CLEC16A: variants seen among roughly 807,000 people sequenced by gnomAD.
CLEC16A encodes C-type lectin domain containing 16A, also known as protein CLEC16A.
In CLEC16A, 51 loss-of-function variants were observed where a neutral mutation model predicts 109.5. That is an observed-to-expected ratio of 0.47 (90% CI 0.37 to 0.59). CLEC16A has a LOEUF of 0.59. CLEC16A is among the 20% of genes least tolerant of loss of function. CLEC16A has a pLI of 0.00. For synonymous variants in CLEC16A, 673 were observed against 564.2 expected (o/e 1.19, Z -2.73); for missense variants, 1,339 against 1,394.0 (o/e 0.96, Z 0.63).
At chr16:11,173,921 C>G (rs550165965) in intron 23 of CLEC16A, among the ~76,000 whole-genome samples, 1 of 152,274 alleles carries the variant, frequency 6.6e-6, no homozygotes, top group Non-Finnish European at 1.5e-5. Flanking sequence ...CAATTTGGTT[C>G]TCAGCGATCC....
In CLEC16A at chr16:11,026,968, G is replaced by A. The variant is rs572342093; in HGVS notation, c.1537+2047G>A. ...CTATGGTCAAGTAAACAGCGCGCGT[G>A]CTGTCTTTCCCATGTGGTGGGGTTG... On this transcript the variant is annotated intron_variant, in intron 13 of 23. Transcript: ENST00000409790. 106 of 1,484,686 alleles carry A rather than the reference G, an allele frequency of 7.1e-5. No individual in the cohort carries two copies. The South Asian group carries it at 1.0e-3, about 14-fold the overall frequency. The allele number at this position is 1,484,686 out of a possible 1,614,324, so 92.0% of individuals were successfully genotyped here.
intron 20 of CLEC16A, among the ~76,000 whole-genome samples, chr16:11,123,470 C>G (rs570069678): frequency 6.6e-6 from 1 of 152,130 alleles, no homozygotes; most frequent in African/African-American, 2.4e-5. Flanking sequence ...TGAGCTGACC[C>G]CAGTCCTCAT....
intron 10 of CLEC16A, among the ~76,000 whole-genome samples, chr16:10,999,871 G>T (rs1275937244): frequency 6.6e-6 from 1 of 152,148 alleles, no homozygotes; most frequent in Non-Finnish European, 1.5e-5. Context: ...GTCTCACTCT[G>T]TTGTGCCCAG....
At chr16:11,090,688 A>G (rs1041461198) in intron 19 of CLEC16A, among the ~76,000 whole-genome samples, 5 of 152,052 alleles carry the variant, frequency 3.3e-5, no homozygotes, top group African/African-American at 1.2e-4. Context: ...TCTGTTGTTC[A>G]GGCTGGAGTG....
intron 13 of CLEC16A, chr16:11,027,759 A>G (rs2046498113): frequency 6.3e-6 from 9 of 1,418,616 alleles, no homozygotes; most frequent in South Asian, 5.8e-5. Flanking sequence ...CCGCCAGCTG[A>G]ACTAGACCCA....
At chr16:11,110,651 A>C (rs1243541902) in intron 19 of CLEC16A, among the ~76,000 whole-genome samples, 1 of 152,128 alleles carries the variant, frequency 6.6e-6, no homozygotes, top group Non-Finnish European at 1.5e-5. Context: ...CTGGGAGAAC[A>C]CTAGGACCAC....
Position 11,178,583 on chromosome 16 carries a change from CGCAGCCTCA to C in CLEC16A, c.3056_3064del (p.Arg1019_Thr1022delinsPro). 6.2e-7 allele frequency: 1 copy of C among 1,610,404 alleles called. No individual in the cohort carries two copies. The highest frequency in any genetic ancestry group is 1.1e-5 in the South Asian group (1 of 91,008). ...CCCCCCAGTTGACCCCCACAGCCTCCGCAGCCTCACCGGCATGCCCCCGCTGTCCACGCC... is the reference window on the plus strand; with the variant it reads ...CCCCCCAGTTGACCCCCACAGCCTCCCCGGCATGCCCCCGCTGTCCACGCC... On this transcript the variant is annotated inframe_deletion, in exon 24 of 24. Coordinates refer to ENST00000409790, the MANE Select transcript of CLEC16A (RefSeq NM_015226.3). This position sits in a 1 kb window ranked among gnomAD's most constrained non-coding sequence, Gnocchi z 6.5.
Position 11,172,213 on chromosome 16 carries a change from C to T in CLEC16A, c.2806+5661C>T, listed in dbSNP as rs539630203. ...ATAGTCACACTCACATACACAGCCACATTCACATACATGCACACACTCATA... is the reference window on the plus strand; with the variant it reads ...ATAGTCACACTCACATACACAGCCATATTCACATACATGCACACACTCATA... On this transcript the variant is annotated intron_variant, in intron 23 of 23. Coordinates refer to ENST00000409790, the MANE Select transcript of CLEC16A (RefSeq NM_015226.3). 4.6e-5 allele frequency among the ~76,000 whole-genome samples: 7 copies of T among 152,336 alleles called. No individual in the cohort carries two copies. In the South Asian group the frequency reaches 1.5e-3, roughly 32 times the overall value.
rs192008310 is a variant in CLEC16A at position 11,027,732 on chromosome 16, C to G, written c.1537+2811C>G. 2,215 of 1,568,104 alleles carry G rather than the reference C, an allele frequency of 1.4e-3. 3 individuals are homozygous for G. The highest frequency in any genetic ancestry group is 1.8e-3 in the Non-Finnish European group (2,031 of 1,154,696). On this transcript the variant is annotated intron_variant, in intron 13 of 23. Coordinates refer to ENST00000409790, the MANE Select transcript of CLEC16A (RefSeq NM_015226.3). ...GGGCACACTTGGCTATCGGGGTGAA[C>G]GCATCAATCAGCTCATCCGCCAGCT...
chr16:11,023,117 C>T (rs1439740618), intron 12 of CLEC16A, among the ~76,000 whole-genome samples: 12 of 143,848 alleles, frequency 8.3e-5, no homozygotes, highest in African/African-American at 1.8e-4. Flanking sequence ...TTTTTTTTTC[C>T]GATGTGAACT....
chr16:11,076,185 T>C (rs2049363372), intron 19 of CLEC16A, among the ~76,000 whole-genome samples: 2 of 152,182 alleles, frequency 1.3e-5, no homozygotes, highest in Non-Finnish European at 2.9e-5. Flanking sequence ...TGGTCCTGGC[T>C]TCCCATTGTG....
Position 11,051,584 on chromosome 16 carries a change from G to A in CLEC16A, c.1938G>A (p.Leu646=). The change falls in exon 18 of 24, where the codon CTG becomes CTA. Residue 646 remains leucine (L), a synonymous_variant. Transcript: ENST00000409790. ...TGCTGCCCCCAACAGGCACGCCACT[G>A]ACGGGCATTGACTTCGTGAAGCGGC... ...SILLPPTGTP[L]TGIDFVKRLP... 3.7e-6 allele frequency: 6 copies of A among 1,614,062 alleles called. No homozygotes were observed. Among genetic ancestry groups the A allele is most frequent in the Non-Finnish European group, 5.1e-6 (6 of 1,179,900 alleles).
At chr16:11,126,221 C>CT (rs1319219890) in intron 22 of CLEC16A, 75 bp downstream of exon 22, 1 of 1,589,788 alleles carries the variant, frequency 6.3e-7, no homozygotes, top group Non-Finnish European at 8.6e-7. Flanking sequence ...TCTGTGGAGC[C>CT]TGTGTGAGCT....
chr16:11,130,212 G>A (rs77085782), intron 22 of CLEC16A, among the ~76,000 whole-genome samples: 107 of 152,292 alleles, frequency 7.0e-4, no homozygotes, highest in Non-Finnish European at 1.0e-3. Context: ...CTAGCTCTGT[G>A]CCCCCACTTA....
intron 23 of CLEC16A, among the ~76,000 whole-genome samples, chr16:11,176,782 A>T (rs114358264): frequency 0.014 from 2,139 of 152,272 alleles, 57 homozygotes; most frequent in African/African-American, 0.049. Flanking sequence ...TTTAGAGTTC[A>T]TCTTGCCCAG....
At chr16:10,981,803 C>T (rs150872523) in intron 9 of CLEC16A, among the ~76,000 whole-genome samples, 197 of 152,352 alleles carry the variant, frequency 1.3e-3, no homozygotes, top group African/African-American at 4.5e-3. Flanking sequence ...CTAACAGAGA[C>T]ATCTGTCAGG....
At chr16:10,948,050 C>A (rs1164854737) in intron 1 of CLEC16A, among the ~76,000 whole-genome samples, 1 of 152,036 alleles carries the variant, frequency 6.6e-6, no homozygotes, top group East Asian at 1.9e-4. Context: ...CCCGCCACCA[C>A]GCCCAGCTAA....
chr16:11,178,467 C>G lies in CLEC16A; in HGVS notation c.2939C>G (p.Ser980Cys), dbSNP rs764039952. The change falls in exon 24 of 24, where the codon TCC becomes TGC. Residue 980 changes from serine (S) to cysteine (C), a missense_variant. Physicochemically the swap from Ser to Cys is moderately radical, Grantham distance 112. Transcript: ENST00000409790. This position sits in a 1 kb window ranked among gnomAD's most constrained non-coding sequence, Gnocchi z 6.5. ...GCAGCCGTGGAGACAGCCAGCCTGT[C>G]CCCCAGCCTCGTCCCTGCCCGGCAG... is the stretch of plus-strand genomic sequence containing the variant. ...RSAAVETASL[S>C]PSLVPARQPT... 1.2e-6 allele frequency: 2 copies of G among 1,613,650 alleles called. No homozygotes were observed. The highest frequency in any genetic ancestry group is 2.2e-5 in the South Asian group (2 of 91,084).
At chr16:11,154,251 T>C (rs961085323) in intron 22 of CLEC16A, among the ~76,000 whole-genome samples, 1 of 152,252 alleles carries the variant, frequency 6.6e-6, no homozygotes, top group Non-Finnish European at 1.5e-5. Flanking sequence ...TTGAACCATA[T>C]GAAATGGCTG....
Sources: gnomAD v4.1 joint callset for allele counts (sites outside exome capture counted in the v4.1 genomes callset) on GRCh38, gnomAD v4.1.1 for gene constraint, Gnocchi (gnomAD v3.1) non-coding constraint, MANE v1.5 for transcripts, NCBI Gene and HGNC (gene_info 2026-07-23, HGNC 2026-07-21) for gene names.